Variants in FUNDC2 observed in about 807,000 individuals in gnomAD.
FUNDC2 encodes FUN14 domain containing 2, also known as FUN14 domain-containing protein 2.
In FUNDC2, 4 loss-of-function variants were observed where a neutral mutation model predicts 15.6. That is an observed-to-expected ratio of 0.26 (90% confidence interval 0.13 to 0.59). The LOEUF (loss-of-function observed/expected upper bound fraction) is 0.59, where lower values mean the gene tolerates loss of function less well. Among genes scored for constraint, FUNDC2 ranks in the 20% least tolerant of loss-of-function variants. The probability of loss-of-function intolerance (pLI) is 0.90; values close to 1 mark genes in which losing one functional copy is unlikely to be tolerated. For synonymous variants in FUNDC2, 44 were observed against 56.9 expected (o/e 0.77, Z 1.02); for missense variants, 98 against 149.7 (o/e 0.65, Z 1.80).
intron 1 of FUNDC2, 147 bp downstream of exon 1, chrX:155,027,218 C>CCT: frequency 1.6e-6 from 1 of 624,982 alleles, no homozygotes; most frequent in African/African-American, 2.4e-5. Context: ...CGGGGATCGC[C>CCT]CCTGGCTCAG....
In FUNDC2 at chrX:155,056,163, C is replaced by T. The variant is rs1374879012; in HGVS notation, c.*1491C>T. The stretch of plus-strand genomic sequence containing the variant: ...TTTCACTTTTTATTATGGACGCTTT[C>T]AGGAATATATAAAAGTAGAGAATAT... On this transcript the variant is annotated 3_prime_UTR_variant, in exon 5 of 5. Transcript: ENST00000369498. The T allele has an allele frequency of 2.7e-5, 3 of 111,506 alleles. No homozygotes were observed. The highest frequency in any genetic ancestry group is 1.9e-4 in the Admixed American group (2 of 10,515). The allele number at this position is 111,506 out of a possible 1,213,427, so 9.2% of individuals were successfully genotyped here.
At position 155,057,245 on chromosome X, in the gene FUNDC2, G is replaced by C. The variant is rs1557291129; in HGVS notation, c.*2573G>C. On this transcript the variant is annotated 3_prime_UTR_variant, in exon 5 of 5. Transcript: ENST00000369498. The stretch of plus-strand genomic sequence containing the variant: ...TATTGTGCCAGCAGTTTTGTTTCAG[G>C]TGGTGAAGTGGGAGTTAAGGTTTCC... The C allele has an allele frequency of 8.9e-6, 1 of 111,757 alleles. No individual in the cohort carries two copies. The highest frequency in any genetic ancestry group is 1.9e-5 in the Non-Finnish European group (1 of 53,055). 9.2% of individuals were successfully genotyped at this position (111,757 alleles called of 1,213,427 possible).
At chrX:155,030,043 T>C (rs1465078773) in intron 1 of FUNDC2, among the ~76,000 whole-genome samples, 6 of 111,395 alleles carry the variant, frequency 5.4e-5, no homozygotes, top group African/African-American at 2.0e-4. Context: ...TCATTTCTAA[T>C]ACACAAAAAT....
intron 1 of FUNDC2, among the ~76,000 whole-genome samples, chrX:155,030,111 T>G (rs1557288603): frequency 9.0e-6 from 1 of 111,698 alleles, no homozygotes; most frequent in Non-Finnish European, 1.9e-5. Context: ...GGTACCTTTT[T>G]GTAGATTTTT....
In FUNDC2 at chrX:155,054,990, G is replaced by A; in HGVS notation, c.*318G>A. The A allele has an allele frequency of 3.0e-6, 1 of 330,679 alleles. No individual in the cohort carries two copies. Among genetic ancestry groups the A allele is most frequent in the Non-Finnish European group, 5.3e-6 (1 of 190,285 alleles). 27.3% of individuals were successfully genotyped at this position (330,679 alleles called of 1,213,427 possible). On this transcript the variant is annotated 3_prime_UTR_variant, in exon 5 of 5. Transcript: ENST00000369498. ...CATTACAAGATGGCTGACCGTGGAGGATGAGTGGATCCTGAAAGGTTGTCC... is the reference window on the plus strand; with the variant it reads ...CATTACAAGATGGCTGACCGTGGAGAATGAGTGGATCCTGAAAGGTTGTCC...
intron 4 of FUNDC2, chrX:155,054,337 G>A (rs1379712165): frequency 1.3e-6 from 1 of 751,261 alleles, no homozygotes; most frequent in Non-Finnish European, 1.6e-6. Context: ...ACCTCCTGAT[G>A]TGCATCCTCC....
At chrX:155,027,297 G>C in intron 1 of FUNDC2, 1 of 271,178 alleles carries the variant, frequency 3.7e-6, no homozygotes, top group Non-Finnish European at 6.5e-6. Flanking sequence ...GTCGTCTCCA[G>C]TGGAGCTCAC....
intron 4 of FUNDC2, chrX:155,054,228 C>T (rs2073887092): frequency 1.3e-6 from 1 of 752,733 alleles, no homozygotes; most frequent in Non-Finnish European, 1.6e-6. Flanking sequence ...AACAGAATTG[C>T]CTCTGTAACC....
chrX:155,054,852 G>A lies in FUNDC2; in HGVS notation c.*180G>A. On this transcript the variant is annotated 3_prime_UTR_variant, in exon 5 of 5. Transcript: ENST00000369498. ...TCAATGTGGCACCATGAGCTTCATG[G>A]TGGCAGAAGAGACAATAGTCCTTAG... 1 of 449,089 alleles carries A rather than the reference G, an allele frequency of 2.2e-6. No individual in the cohort carries two copies. The highest frequency in any genetic ancestry group is 3.7e-5 in the East Asian group (1 of 27,106). 37.0% of individuals were successfully genotyped at this position (449,089 alleles called of 1,213,427 possible). A position where few individuals can be genotyped will look rare whatever the true frequency, so the allele number is the denominator to read the frequency against.
chrX:155,044,767 A>G (rs2073857329), intron 2 of FUNDC2, among the ~76,000 whole-genome samples: 1 of 112,304 alleles, frequency 8.9e-6, no homozygotes, highest in African/African-American at 3.2e-5. Context: ...GCGGGAATGT[A>G]GATTGTTACA....
At chrX:155,035,960 A>G (rs1488621014) in intron 2 of FUNDC2, among the ~76,000 whole-genome samples, 1 of 112,327 alleles carries the variant, frequency 8.9e-6, no homozygotes, top group Non-Finnish European at 1.9e-5. Flanking sequence ...TGTTACAGAT[A>G]AAACTTCAAG....
chrX:155,033,226 C>A, intron 1 of FUNDC2, 177 bp from the exon 2 acceptor site: 1 of 402,458 alleles, frequency 2.5e-6, no homozygotes. Flanking sequence ...GTAATATAGA[C>A]ATTAGTATTT....
chrX:155,056,982 G>T lies in FUNDC2; in HGVS notation c.*2310G>T. On this transcript the variant is annotated 3_prime_UTR_variant, in exon 5 of 5. Coordinates refer to ENST00000369498, the MANE Select transcript of FUNDC2 (RefSeq NM_023934.4). ...TCCCTCCTGAAGTTTTTTCCCAGCTGGCTGCCTCTACGACTGTGAGGGTCA... is the reference window on the plus strand; with the variant it reads ...TCCCTCCTGAAGTTTTTTCCCAGCTTGCTGCCTCTACGACTGTGAGGGTCA... 1 of 109,064 alleles carries T rather than the reference G, an allele frequency of 9.2e-6. No homozygotes were observed. The highest frequency in any genetic ancestry group is 2.9e-4 in the East Asian group (1 of 3,496). 9.0% of individuals were successfully genotyped at this position (109,064 alleles called of 1,213,427 possible). A position where few individuals can be genotyped will look rare whatever the true frequency, so the allele number is the denominator to read the frequency against.
chrX:155,031,946 C>T (rs1201423201), intron 1 of FUNDC2, among the ~76,000 whole-genome samples: 1 of 108,604 alleles, frequency 9.2e-6, no homozygotes, highest in Non-Finnish European at 1.9e-5. Flanking sequence ...CATGCTTGGG[C>T]AAATCATTTA....
rs1275424418 is a variant in FUNDC2, at chrX:155,056,042, A to G, written c.*1370A>G. On this transcript the variant is annotated 3_prime_UTR_variant, in exon 5 of 5. Transcript: ENST00000369498. ...CGTTTTTCTCCTTACATTTAAGGAA[A>G]CATAAGCCATTTTGCTTGCAATATG... The G allele has an allele frequency of 8.9e-6, 1 of 112,502 alleles. No individual in the cohort carries two copies. The highest frequency in any genetic ancestry group is 1.9e-5 in the Non-Finnish European group (1 of 53,328). 9.3% of individuals were successfully genotyped at this position (112,502 alleles called of 1,213,427 possible).
intron 1 of FUNDC2, among the ~76,000 whole-genome samples, chrX:155,032,280 C>CTTTTTTT (rs200923469): frequency 4.8e-5 from 3 of 62,747 alleles, no homozygotes; most frequent in Non-Finnish European, 8.8e-5. Flanking sequence ...CTGGTGCCTT[C>CTTTTTTT]TTTTTTTTTT....
rs1254827358 is a variant in FUNDC2 at position 155,058,845 on chromosome X, C to T, written c.*4173C>T. On this transcript the variant is annotated 3_prime_UTR_variant, in exon 5 of 5. Transcript: ENST00000369498. ...ACTTTTTTTTTTAAAAGAAAAGTGT[C>T]GCACTTTTTCACATTTTTATAAAGC... The T allele has an allele frequency of 2.7e-5, 3 of 110,480 alleles. No individual in the cohort carries two copies. The highest frequency in any genetic ancestry group is 3.8e-5 in the Non-Finnish European group (2 of 52,841). 9.1% of individuals were successfully genotyped at this position (110,480 alleles called of 1,213,427 possible). A position where few individuals can be genotyped will look rare whatever the true frequency, so the allele number is the denominator to read the frequency against.
At chrX:155,039,822 A>G (rs1432494667) in intron 2 of FUNDC2, among the ~76,000 whole-genome samples, 2 of 111,775 alleles carry the variant, frequency 1.8e-5, no homozygotes, top group African/African-American at 6.5e-5. Context: ...TGCTTTGGCT[A>G]TTAGGGGTCT....
At chrX:155,035,572 C>T (rs782807498) in intron 2 of FUNDC2, among the ~76,000 whole-genome samples, 17 of 112,130 alleles carry the variant, frequency 1.5e-4, no homozygotes, top group African/African-American at 5.5e-4. Context: ...GCCATCCTCC[C>T]GCCACTGATC....
Sources: gnomAD v4.1 joint callset for allele counts (sites outside exome capture counted in the v4.1 genomes callset) on GRCh38, gnomAD v4.1.1 for gene constraint, MANE v1.5 for transcripts, NCBI Gene and HGNC (gene_info 2026-07-23, HGNC 2026-07-21) for gene names.